SLC60A2: variants seen among roughly 807,000 people sequenced by gnomAD.
SLC60A2 encodes the protein major facilitator superfamily domain containing 4B.
At chr6:111,272,254 A>G in the SLC60A2 span, among the ~76,000 whole-genome samples, 4 of 151,402 alleles carry the variant, frequency 2.6e-5, no homozygotes, top group African/African-American at 7.3e-5. Context: ...CCACCTGTCT[A>G]GGCCTCCCAA....
At chr6:111,265,173 G>A in the SLC60A2 span, 14 of 556,944 alleles carry the variant, frequency 2.5e-5, no homozygotes, top group Non-Finnish European at 3.2e-5. Flanking sequence ...TTGCTGTTAC[G>A]TGATCTGTTG....
the SLC60A2 span, among the ~76,000 whole-genome samples, chr6:111,271,964 T>TA: frequency 6.6e-6 from 1 of 152,042 alleles, no homozygotes; most frequent in African/African-American, 2.4e-5. Context: ...TGAGACTGTC[T>TA]AAAAAATTTA....
At chr6:111,266,744 A>T in the SLC60A2 span, 1 of 1,614,216 alleles carries the variant, frequency 6.2e-7, no homozygotes, top group Non-Finnish European at 8.5e-7. Context: ...TGGGAGCATC[A>T]ATAGCTACTG....
the SLC60A2 span, chr6:111,259,806 C>T: frequency 1.5e-6 from 2 of 1,365,692 alleles, no homozygotes; most frequent in Non-Finnish European, 1.0e-6. Flanking sequence ...ACCTTGGGCG[C>T]GTTACCTAAT....
chr6:111,276,969 A>G, the SLC60A2 span, among the ~76,000 whole-genome samples: 3 of 152,048 alleles, frequency 2.0e-5, no homozygotes, highest in Non-Finnish European at 4.4e-5. Flanking sequence ...TCCGGAGGAA[A>G]CCTGTTTGAC....
the SLC60A2 span, chr6:111,259,827 C>G: frequency 9.4e-7 from 1 of 1,066,216 alleles, no homozygotes; most frequent in Non-Finnish European, 1.3e-6. Context: ...CTGACTGGGC[C>G]TCAGTTTCAT....
chr6:111,268,281 T>C, the SLC60A2 span: 1 of 152,242 alleles, frequency 6.6e-6, no homozygotes, highest in Non-Finnish European at 1.5e-5. Flanking sequence ...TGCATTTCAT[T>C]GATTCTAAGT....
chr6:111,276,337 TG>T, the SLC60A2 span, among the ~76,000 whole-genome samples: 1 of 152,216 alleles, frequency 6.6e-6, no homozygotes, highest in Non-Finnish European at 1.5e-5. Context: ...AATATTTTGT[TG>T]TGTTTGTGTT....
the SLC60A2 span, among the ~76,000 whole-genome samples, chr6:111,277,443 C>T: frequency 1.3e-5 from 2 of 152,232 alleles, no homozygotes; most frequent in Non-Finnish European, 2.9e-5. Flanking sequence ...TTACAGTTCT[C>T]ATCTGTGCGG....
the SLC60A2 span, among the ~76,000 whole-genome samples, chr6:111,259,942 G>T: frequency 1.3e-3 from 165 of 123,304 alleles, no homozygotes; most frequent in Admixed American, 5.5e-3. Flanking sequence ...ACGGAGTCTC[G>T]CTCTGTTGCC....
chr6:111,266,150 TTC>T, the SLC60A2 span: 1 of 1,612,858 alleles, frequency 6.2e-7, no homozygotes, highest in Non-Finnish European at 8.5e-7. Flanking sequence ...TGTTCTTAGT[TTC>T]TGTCATTTTT....
At chr6:111,272,575 G>A in the SLC60A2 span, among the ~76,000 whole-genome samples, 5 of 146,086 alleles carry the variant, frequency 3.4e-5, no homozygotes, top group East Asian at 2.0e-4. Context: ...GTAATGGCAC[G>A]ATCTCTGCTC....
At chr6:111,267,872 G>A in the SLC60A2 span, 3 of 152,208 alleles carry the variant, frequency 2.0e-5, no homozygotes, top group African/African-American at 7.2e-5. Context: ...TATCTGTAGG[G>A]TTGGATCAAA....
the SLC60A2 span, chr6:111,269,407 C>T: frequency 1.3e-5 from 2 of 152,366 alleles, no homozygotes; most frequent in African/African-American, 4.8e-5. Context: ...ATCATGTTAC[C>T]TAGGCTGATC....
At chr6:111,266,389 G>A in the SLC60A2 span, 11 of 1,614,150 alleles carry the variant, frequency 6.8e-6, no homozygotes, top group Non-Finnish European at 9.3e-6. Context: ...ATCTTCTGGG[G>A]GACATTTGCA....
the SLC60A2 span, chr6:111,263,858 T>C: frequency 6.2e-7 from 1 of 1,609,336 alleles, no homozygotes; most frequent in Admixed American, 1.7e-5. Flanking sequence ...CCACCGTTGG[T>C]CTTTATCTTG....
the SLC60A2 span, chr6:111,269,995 C>T: frequency 8.3e-6 from 1 of 121,042 alleles, no homozygotes; most frequent in Non-Finnish European, 1.5e-5. Flanking sequence ...ACAGGCTGTA[C>T]TGAAGCGGCC....
At chr6:111,276,896 T>A in the SLC60A2 span, among the ~76,000 whole-genome samples, 1 of 152,088 alleles carries the variant, frequency 6.6e-6, no homozygotes, top group Non-Finnish European at 1.5e-5. Flanking sequence ...TTGACTTGAA[T>A]AGATGCCATT....
At chr6:111,259,407 G>C in the SLC60A2 span, 3 of 392,868 alleles carry the variant, frequency 7.6e-6, no homozygotes, top group African/African-American at 6.2e-5. Flanking sequence ...CCCCGGTTCC[G>C]GGCGGTCCGC....
Sources: gnomAD v4.1 joint callset for allele counts (sites outside exome capture counted in the v4.1 genomes callset) on GRCh38, gnomAD v4.1.1 for gene constraint, MANE v1.5 for transcripts, NCBI Gene and HGNC (gene_info 2026-07-23, HGNC 2026-07-21) for gene names.